Variants in BMERB1 observed in about 807,000 individuals in gnomAD.
BMERB1 encodes the protein bMERB domain containing 1.
BMERB1 carries 12 observed loss-of-function variants against 23.6 expected under a neutral mutation model. The observed-to-expected ratio is 0.51, with a 90% CI of 0.33 to 0.82. The LOEUF is 0.82. Ranked by LOEUF, BMERB1 falls within the 40% of genes least tolerant of loss-of-function variation. The probability of loss-of-function intolerance (pLI) is 0.03; values close to 1 mark genes in which losing one functional copy is unlikely to be tolerated. For missense variants in BMERB1, 247 were observed against 255.4 expected (o/e 0.97, Z 0.22); for synonymous variants, 122 against 96.6 (o/e 1.26, Z -1.54).
intron 1 of BMERB1, among the ~76,000 whole-genome samples, chr16:15,472,150 T>G (rs1288186012): frequency 3.9e-5 from 6 of 152,212 alleles, no homozygotes; most frequent in African/African-American, 1.4e-4. Context: ...CTTTTGAATT[T>G]GTTGGGGATT....
chr16:15,488,004 G>A (rs1178934941), intron 1 of BMERB1, among the ~76,000 whole-genome samples: 4 of 152,028 alleles, frequency 2.6e-5, no homozygotes, highest in Non-Finnish European at 5.9e-5. Flanking sequence ...ATCTTGTGCC[G>A]TCCTCCTAGC....
At chr16:15,583,725 G>A (rs577135126) in intron 5 of BMERB1, among the ~76,000 whole-genome samples, 5 of 152,218 alleles carry the variant, frequency 3.3e-5, no homozygotes, top group African/African-American at 9.6e-5. Context: ...CCTGCAGGCA[G>A]TTGCCTGGGG....
intron 2 of BMERB1, 124 bp from the exon 3 acceptor site, chr16:15,567,859 G>T (rs2030618314): frequency 1.3e-6 from 1 of 757,410 alleles, no homozygotes; most frequent in South Asian, 1.9e-5. Context: ...CCTCTACAAT[G>T]AGCATGTATG....
At chr16:15,537,163 A>C (rs1005516616) in intron 2 of BMERB1, among the ~76,000 whole-genome samples, 2 of 152,196 alleles carry the variant, frequency 1.3e-5, no homozygotes, top group African/African-American at 4.8e-5. Context: ...ATTTATCAAG[A>C]AAATTATAAG....
At chr16:15,521,587 C>T (rs1217383347) in intron 2 of BMERB1, among the ~76,000 whole-genome samples, 4 of 152,188 alleles carry the variant, frequency 2.6e-5, no homozygotes, top group Non-Finnish European at 4.4e-5. Context: ...GAGCTCCCAG[C>T]AGGCAGGTGT....
intron 3 of BMERB1, among the ~76,000 whole-genome samples, chr16:15,572,104 A>G (rs961890720): frequency 1.3e-5 from 2 of 152,190 alleles, no homozygotes; most frequent in African/African-American, 4.8e-5. Flanking sequence ...CATAAGAACT[A>G]CTACTTTAGT....
chr16:15,547,006 CT>C (rs1051399874), intron 2 of BMERB1, among the ~76,000 whole-genome samples: 8 of 144,384 alleles, frequency 5.5e-5, no homozygotes, highest in Non-Finnish European at 8.9e-5. Flanking sequence ...GGCACTGGCT[CT>C]TTTAGCTTTT....
At chr16:15,496,762 TC>T (rs1354398852) in intron 1 of BMERB1, among the ~76,000 whole-genome samples, 1 of 152,034 alleles carries the variant, frequency 6.6e-6, no homozygotes, top group Non-Finnish European at 1.5e-5. Context: ...ATGGTCTTGA[TC>T]TCCTGACCTC....
intron 3 of BMERB1, 26 bp from the exon 4 acceptor site, chr16:15,581,191 T>C: frequency 6.4e-7 from 1 of 1,570,706 alleles, no homozygotes; most frequent in African/African-American, 1.3e-5. Flanking sequence ...TGCTCATCTG[T>C]CTCCTTGTTG....
At chr16:15,520,361 T>G (rs1374853897) in intron 2 of BMERB1, among the ~76,000 whole-genome samples, 1 of 152,186 alleles carries the variant, frequency 6.6e-6, no homozygotes, top group African/African-American at 2.4e-5. Flanking sequence ...CACTTGGTCT[T>G]GTCTTGTTCT....
chr16:15,500,367 G>A (rs1213550145), intron 1 of BMERB1, among the ~76,000 whole-genome samples: 1 of 152,184 alleles, frequency 6.6e-6, no homozygotes, highest in African/African-American at 2.4e-5. Context: ...CTCCACCCAG[G>A]TTGAACGTGC....
intron 2 of BMERB1, among the ~76,000 whole-genome samples, chr16:15,555,494 A>T (rs1362710489): frequency 6.6e-6 from 1 of 152,184 alleles, no homozygotes; most frequent in African/African-American, 2.4e-5. Flanking sequence ...GCGCTTGAGG[A>T]AGTTGACATT....
chr16:15,479,700 T>G (rs1256831746), intron 1 of BMERB1, among the ~76,000 whole-genome samples: 1 of 152,068 alleles, frequency 6.6e-6, no homozygotes, highest in South Asian at 2.1e-4. Flanking sequence ...TCACTAAAAA[T>G]TTTTTGTTTT....
chr16:15,553,395 A>T (rs1281118096), intron 2 of BMERB1, among the ~76,000 whole-genome samples: 1 of 152,228 alleles, frequency 6.6e-6, no homozygotes, highest in Non-Finnish European at 1.5e-5. Context: ...GGATTGCTCT[A>T]GCCAGGAGGT....
intron 1 of BMERB1, among the ~76,000 whole-genome samples, chr16:15,441,856 A>G (rs2150920939): frequency 1.3e-5 from 2 of 152,282 alleles, no homozygotes; most frequent in Middle Eastern, 3.4e-3. Flanking sequence ...GTTGGGTACT[A>G]GATGGGGAAT....
At chr16:15,566,666 A>G (rs990138333) in intron 2 of BMERB1, among the ~76,000 whole-genome samples, 6 of 152,078 alleles carry the variant, frequency 3.9e-5, no homozygotes, top group African/African-American at 1.4e-4. Context: ...ACTGTCTAAA[A>G]AAAATAAAAA....
rs145689655 is a variant in BMERB1 at position 15,465,346 on chromosome 16, G to GATAT, written c.106+30592_106+30595dup. Among the ~76,000 whole-genome samples, 718 of 117,018 alleles carry GATAT rather than the reference G, an allele frequency of 6.1e-3. 2 individuals are homozygous for GATAT. The highest frequency in any genetic ancestry group is 9.6e-3 in the East Asian group (39 of 4,042). The allele number at this position is 117,018 out of a possible 152,430, so 76.8% of individuals were successfully genotyped here. A position where few individuals can be genotyped will look rare whatever the true frequency, so the allele number is the denominator to read the frequency against. The stretch of plus-strand genomic sequence containing the variant: ...ATCATCCAAATTTGGTCAATGCTAA[G>GATAT]ATATATATTTTTTTTTTTTTTTTTG... On this transcript the variant is annotated intron_variant, in intron 1 of 5. Coordinates refer to ENST00000300006, the MANE Select transcript of BMERB1 (RefSeq NM_033201.3).
In BMERB1 at chr16:15,515,500, C is replaced by A. The variant is rs1442912667; in HGVS notation, c.230+72C>A. 6 of 1,542,376 alleles carry A rather than the reference C, an allele frequency of 3.9e-6. No homozygotes were observed. In the Admixed American group the frequency reaches 8.2e-5, roughly 21 times the overall value. ...AGAGGAAAACCTAATATTTGTTGAT[C>A]GTCTACTGTGTGCCAGGCACTGAGA... On this transcript the variant is annotated intron_variant, in intron 2 of 5. Coordinates refer to ENST00000300006, the MANE Select transcript of BMERB1 (RefSeq NM_033201.3).
intron 2 of BMERB1, among the ~76,000 whole-genome samples, chr16:15,563,456 T>C (rs2030482089): frequency 6.6e-6 from 1 of 152,056 alleles, no homozygotes; most frequent in African/African-American, 2.4e-5. Flanking sequence ...CCTGACCTCG[T>C]GATCTGCCCA....
Sources: allele counts gnomAD v4.1 joint callset (sites outside exome capture counted in the v4.1 genomes callset), GRCh38; gene constraint gnomAD v4.1.1; transcripts MANE v1.5; gene names NCBI Gene and HGNC (gene_info 2026-07-23, HGNC 2026-07-21).